TNRC6B: variants seen among roughly 807,000 people sequenced by gnomAD.
TNRC6B encodes trinucleotide repeat-containing gene 6B protein.
A neutral mutation model predicts 203.6 loss-of-function variants in TNRC6B; 52 were observed. The ratio of observed to expected loss-of-function variants is 0.26; its 90% CI spans 0.20 to 0.32. The LOEUF (loss-of-function observed/expected upper bound fraction) is 0.32, where lower values mean the gene tolerates loss of function less well. TNRC6B is among the 10% of genes least tolerant of loss of function. The pLI, the probability that TNRC6B is intolerant of heterozygous loss-of-function variation, is 1.00. For synonymous variants in TNRC6B, 838 were observed against 845.7 expected (o/e 0.99, Z 0.16); for missense variants, 1,923 against 2,286.2 (o/e 0.84, Z 3.24).
At chr22:40,280,173 A>T in intron 10 of TNRC6B, 30 bp downstream of exon 10, 2 of 1,599,048 alleles carry the variant, frequency 1.3e-6, no homozygotes, top group Non-Finnish European at 1.7e-6. Flanking sequence ...TAAGATAATA[A>T]TTCATGAGAA....
At chr22:40,125,811 T>G (rs1397527735) in exon 3 of TNRC6B, 2 of 1,611,122 alleles carry the variant, frequency 1.2e-6, no homozygotes, top group Admixed American at 3.4e-5. Context: ...GCACAAAATC[T>G]GTTCCCATGC....
At chr22:40,070,142 C>A (rs1048232199) in intron 1 of TNRC6B, among the ~76,000 whole-genome samples, 1 of 151,876 alleles carries the variant, frequency 6.6e-6, no homozygotes, top group African/African-American at 2.4e-5. Context: ...GTTTTTTTCT[C>A]TAAGAGAGAC....
rs1176525597 is a variant in TNRC6B at position 40,330,851 on chromosome 22, T to C, written c.*7610T>C. 1 of 152,570 alleles carries C rather than the reference T, an allele frequency of 6.6e-6. No individual in the cohort carries two copies. 9.5% of individuals were successfully genotyped at this position (152,570 alleles called of 1,614,324 possible). On this transcript the variant is annotated 3_prime_UTR_variant, in exon 23 of 23. Coordinates refer to ENST00000454349, the MANE Select transcript of TNRC6B (RefSeq NM_001162501.2). ...GAAGTCCCAGGAGCAGCTGTTGAGA[T>C]TTCATTAGCATCAATATTGCACAGT...
chr22:40,077,254 A>G (rs1332973139), intron 1 of TNRC6B, among the ~76,000 whole-genome samples: 3 of 152,094 alleles, frequency 2.0e-5, no homozygotes, highest in Non-Finnish European at 4.4e-5. Flanking sequence ...CTCCCATGCC[A>G]TGGTCTGCAA....
intron 1 of TNRC6B, among the ~76,000 whole-genome samples, chr22:40,209,862 T>C (rs1459059380): frequency 2.0e-5 from 3 of 151,818 alleles, no homozygotes; most frequent in African/African-American, 4.8e-5. Context: ...CTACTAAAAA[T>C]ACAAAAATGA....
intron 5 of TNRC6B, among the ~76,000 whole-genome samples, chr22:40,268,610 T>C (rs868683248): frequency 2.0e-5 from 3 of 151,908 alleles, no homozygotes; most frequent in Non-Finnish European, 4.4e-5. Flanking sequence ...AAGCAAAAGA[T>C]AGTCAATAAA....
intron 1 of TNRC6B, among the ~76,000 whole-genome samples, chr22:40,077,084 A>G (rs1171030062): frequency 1.5e-5 from 2 of 137,532 alleles, no homozygotes; most frequent in Non-Finnish European, 3.1e-5. Flanking sequence ...AGAAGAGGAG[A>G]GGAGAAAGAG....
At chr22:40,318,423 T>A (rs2071289123) in intron 21 of TNRC6B, among the ~76,000 whole-genome samples, 1 of 152,098 alleles carries the variant, frequency 6.6e-6, no homozygotes, top group Non-Finnish European at 1.5e-5. Context: ...GGTGAGCACC[T>A]GTAGTCCCAG....
intron 12 of TNRC6B, among the ~76,000 whole-genome samples, chr22:40,289,476 T>C (rs990272764): frequency 2.0e-5 from 3 of 152,140 alleles, no homozygotes; most frequent in Admixed American, 6.5e-5. Flanking sequence ...TTGCATAATA[T>C]GATGATCTGT....
chr22:40,251,608 C>T (rs892462385), intron 3 of TNRC6B, among the ~76,000 whole-genome samples: 13 of 151,920 alleles, frequency 8.6e-5, no homozygotes, highest in African/African-American at 2.9e-4. Context: ...AATCCCAGCT[C>T]CTTGGGAGGC....
At chr22:40,193,340 C>T (rs1171982206) in intron 1 of TNRC6B, among the ~76,000 whole-genome samples, 1 of 152,166 alleles carries the variant, frequency 6.6e-6, no homozygotes, top group Non-Finnish European at 1.5e-5. Context: ...ATAAGTGAAT[C>T]AAAGATGACT....
intron 3 of TNRC6B, among the ~76,000 whole-genome samples, chr22:40,139,600 G>A (rs1467594853): frequency 6.6e-6 from 1 of 152,142 alleles, no homozygotes; most frequent in South Asian, 2.1e-4. Flanking sequence ...CCAAAGTGCC[G>A]GGATTACAGG....
At chr22:40,083,783 T>G (rs964183458) in intron 1 of TNRC6B, among the ~76,000 whole-genome samples, 2 of 152,190 alleles carry the variant, frequency 1.3e-5, no homozygotes, top group Middle Eastern at 3.4e-3. Context: ...TGATGCAGAT[T>G]CAGGTAGGTT....
At chr22:40,298,910 G>C (rs932689966) in intron 12 of TNRC6B, among the ~76,000 whole-genome samples, 1 of 151,444 alleles carries the variant, frequency 6.6e-6, no homozygotes, top group Non-Finnish European at 1.5e-5. Context: ...AGCTTGCAGT[G>C]AGCCAAGATA....
At chr22:40,319,737 A>G (rs1012711577) in intron 21 of TNRC6B, among the ~76,000 whole-genome samples, 2 of 152,060 alleles carry the variant, frequency 1.3e-5, no homozygotes, top group Non-Finnish European at 2.9e-5. Context: ...TTTCTATTTT[A>G]GTCTCTTACT....
intron 5 of TNRC6B, among the ~76,000 whole-genome samples, chr22:40,267,822 A>G (rs2070501752): frequency 6.6e-6 from 1 of 152,034 alleles, no homozygotes; most frequent in South Asian, 2.1e-4. Context: ...GGGAGCTATG[A>G]TCTCACCACT....
chr22:40,091,094 G>C (rs995291695), intron 1 of TNRC6B, among the ~76,000 whole-genome samples: 1 of 151,986 alleles, frequency 6.6e-6, no homozygotes, highest in Non-Finnish European at 1.5e-5. Flanking sequence ...CCATTCTCCT[G>C]CCTCAGCCTC....
At chr22:40,322,727 G>A (rs2071350964) in intron 22 of TNRC6B, 127 bp from the exon 23 acceptor site, 10 of 1,126,534 alleles carry the variant, frequency 8.9e-6, no homozygotes, top group Non-Finnish European at 1.1e-5. Flanking sequence ...ATTCTAAAAA[G>A]CGTTCATGGA....
intron 1 of TNRC6B, among the ~76,000 whole-genome samples, chr22:40,231,477 G>A (rs1266861704): frequency 1.1e-4 from 17 of 152,036 alleles, no homozygotes; most frequent in Non-Finnish European, 2.4e-4. Flanking sequence ...ATTTTTGTCA[G>A]ATTTATTCTT....
Sources: gnomAD v4.1 joint callset for allele counts (sites outside exome capture counted in the v4.1 genomes callset) on GRCh38, gnomAD v4.1.1 for gene constraint, MANE v1.5 for transcripts, NCBI Gene and HGNC (gene_info 2026-07-23, HGNC 2026-07-21) for gene names.